Variants in CSN2 observed in about 807,000 individuals in gnomAD.
CSN2 encodes casein beta.
Under a neutral mutation model 27.3 loss-of-function variants are expected in CSN2, and 27 were observed. That is an observed-to-expected ratio of 0.99 (90% CI 0.73 to 1.36). CSN2 has a LOEUF of 1.36. Among genes scored for constraint, CSN2 ranks in the 40% most tolerant of loss-of-function variants. The pLI is 0.00. For synonymous variants in CSN2, 131 were observed against 94.8 expected, an observed-to-expected ratio of 1.38 and a Z score of -2.22; for missense variants, 333 against 264.5, an observed-to-expected ratio of 1.26 and a Z score of -1.80.
At chr4:69,959,175 C>T (rs1168609463) in intron 3 of CSN2, 106 bp from the exon 4 acceptor site, 10 of 855,252 alleles carry the variant, frequency 1.2e-5, no homozygotes, top group African/African-American at 1.7e-5. Flanking sequence ...TCATTAATAA[C>T]TTTGTATAAT....
At chr4:69,956,157 T>A (rs1310891322) in intron 7 of CSN2, among the ~76,000 whole-genome samples, 157 bp downstream of exon 7, 3 of 151,980 alleles carry the variant, frequency 2.0e-5, no homozygotes, top group African/African-American at 7.2e-5. Flanking sequence ...TAGTTTCAGG[T>A]CAGTAAATGA....
At chr4:69,964,347 C>T (rs938585975) in intron 1 of CSN2, among the ~76,000 whole-genome samples, 8 of 151,916 alleles carry the variant, frequency 5.3e-5, no homozygotes, top group Admixed American at 4.6e-4. Context: ...GTTATGTGTT[C>T]TTACATTTTT....
At chr4:69,957,205 T>A in intron 6 of CSN2, 69 bp downstream of exon 6, 1 of 1,393,074 alleles carries the variant, frequency 7.2e-7, no homozygotes, top group South Asian at 1.5e-5. Flanking sequence ...TACTCTACAT[T>A]TATTCTTTTA....
In CSN2 at chr4:69,957,343, A is replaced by G. The variant is rs1325225515; in HGVS notation, c.606T>C (p.Leu202=). The G allele has an allele frequency of 6.2e-7, 1 of 1,611,172 alleles. No homozygotes were observed. Among genetic ancestry groups the G allele is most frequent in the East Asian group, 2.2e-5 (1 of 44,768 alleles). ...AGATCTGGTGGGTGGGGTTAAGTAG[A>G]AGTTCTTGGTTGAGCAGAAGGGCTT... ...PVQALLLNQE[L]LLNPTHQIYP... is the part of the protein sequence containing the mutation. The change falls in exon 6 of 8, where the codon CTT becomes CTC. Residue 202 remains leucine (L), a synonymous_variant. Coordinates refer to ENST00000353151, the MANE Select transcript of CSN2 (RefSeq NM_001891.4).
chr4:69,959,777 A>G (rs1281323671), intron 3 of CSN2, among the ~76,000 whole-genome samples: 1 of 152,008 alleles, frequency 6.6e-6, no homozygotes, highest in African/African-American at 2.4e-5. Context: ...GAATAAGTTC[A>G]GAGTAAAGAG....
intron 6 of CSN2, among the ~76,000 whole-genome samples, chr4:69,956,688 G>C (rs1461684693): frequency 6.6e-6 from 1 of 152,080 alleles, no homozygotes; most frequent in African/African-American, 2.4e-5. Flanking sequence ...ACATTTTTTA[G>C]CTTTTTTTTC....
chr4:69,957,129 T>C (rs1223447760), intron 6 of CSN2, 145 bp downstream of exon 6: 3 of 843,664 alleles, frequency 3.6e-6, no homozygotes, highest in African/African-American at 1.7e-5. Context: ...GTTGTGCACA[T>C]GTACCCTAAA....
chr4:69,960,214 G>T, intron 2 of CSN2, 135 bp from the exon 3 acceptor site: 1 of 761,382 alleles, frequency 1.3e-6, no homozygotes, highest in South Asian at 1.9e-5. Flanking sequence ...CTTCTGAAAA[G>T]ATGTTTAAAA....
intron 2 of CSN2, among the ~76,000 whole-genome samples, chr4:69,960,675 G>A (rs746244575): frequency 3.3e-5 from 5 of 151,832 alleles, no homozygotes; most frequent in African/African-American, 9.7e-5. Flanking sequence ...ATTATATTTC[G>A]TTGCCATTTT....
At chr4:69,960,775 A>G (rs116737887) in intron 2 of CSN2, among the ~76,000 whole-genome samples, 170 bp downstream of exon 2, 1,867 of 152,206 alleles carry the variant, frequency 0.012, 35 homozygotes, top group African/African-American at 0.043. Context: ...CACTATAGGA[A>G]ACTGTTGAGA....
Position 69,959,082 on chromosome 4 carries a change from A to T in CSN2, c.79-13T>A, listed in dbSNP as rs1393625195. 1.5e-6 allele frequency: 2 copies of T among 1,319,708 alleles called. No individual in the cohort carries two copies. The highest frequency in any genetic ancestry group is 3.0e-5 in the African/African-American group (2 of 66,568). 81.7% of individuals were successfully genotyped at this position (1,319,708 alleles called of 1,614,324 possible). A position where few individuals can be genotyped will look rare whatever the true frequency, so the allele number is the denominator to read the frequency against. On this transcript the variant is annotated splice_polypyrimidine_tract_variant and intron_variant, in intron 3 of 7. Transcript: ENST00000353151. ...CTGTAATAGATTCCTACAGAAAAAT[A>T]TAAAATAAAATTAGGTTTAGTTTTA... is the stretch of plus-strand genomic sequence containing the variant.
rs1723424454 is a variant in CSN2 at position 69,957,197 on chromosome 4, C to T, written c.675+77G>A. On this transcript the variant is annotated intron_variant, in intron 6 of 7. Transcript: ENST00000353151. Reference sequence around the variant, plus strand: ...CTAAACTGTTTTTTTAATTCATTTACTCTACATTTATTCTTTTATTCTACC... The same window carrying T: ...CTAAACTGTTTTTTTAATTCATTTATTCTACATTTATTCTTTTATTCTACC... 4 of 1,366,476 alleles carry T rather than the reference C, an allele frequency of 2.9e-6. No homozygotes were observed. In the East Asian group the frequency reaches 7.1e-5, roughly 24 times the overall value. The allele number at this position is 1,366,476 out of a possible 1,614,324, so 84.6% of individuals were successfully genotyped here. A position where few individuals can be genotyped will look rare whatever the true frequency, so the allele number is the denominator to read the frequency against.
intron 3 of CSN2, among the ~76,000 whole-genome samples, 198 bp downstream of exon 3, chr4:69,959,855 A>G (rs982793867): frequency 6.6e-6 from 1 of 152,084 alleles, no homozygotes; most frequent in Non-Finnish European, 1.5e-5. Context: ...CACAATTTCA[A>G]GTAGCAAGCC....
intron 1 of CSN2, among the ~76,000 whole-genome samples, chr4:69,962,985 A>G (rs1337523923): frequency 6.6e-6 from 1 of 152,248 alleles, no homozygotes; most frequent in Non-Finnish European, 1.5e-5. Flanking sequence ...ACATGAAAAA[A>G]TGCTCATCAT....
intron 7 of CSN2, among the ~76,000 whole-genome samples, chr4:69,955,999 T>A (rs1183353455): frequency 6.6e-6 from 1 of 152,048 alleles, no homozygotes; most frequent in African/African-American, 2.4e-5. Flanking sequence ...TCAAATGTAT[T>A]TCCATAAAAG....
chr4:69,965,408 CTATATATATATATATATA>C (rs756206077), intron 1 of CSN2, among the ~76,000 whole-genome samples: 19 of 88,130 alleles, frequency 2.2e-4, no homozygotes, highest in Non-Finnish European at 2.8e-4. Flanking sequence ...TAGCCTCATA[CTATATATATATATATATA>C]TATATATATA....
intron 1 of CSN2, among the ~76,000 whole-genome samples, chr4:69,962,682 C>T (rs778637355): frequency 2.6e-5 from 4 of 152,126 alleles, no homozygotes; most frequent in Non-Finnish European, 5.9e-5. Context: ...TGGGCAAGGA[C>T]TTCATGTGTA....
In CSN2 at chr4:69,965,157, A is replaced by T. The variant is rs967716976; in HGVS notation, c.-13+524T>A. On this transcript the variant is annotated intron_variant, in intron 1 of 7. Coordinates refer to ENST00000353151, the MANE Select transcript of CSN2 (RefSeq NM_001891.4). ...GAGGCTCTAGACAAGTTTGATGAGT[A>T]AACTCTTCTAAAAACATTGTTTATA... is the stretch of plus-strand genomic sequence containing the variant. Among the ~76,000 whole-genome samples, 38 of 151,274 alleles carry T rather than the reference A, an allele frequency of 2.5e-4. 1 individual carries two copies. The highest frequency in any genetic ancestry group is 5.9e-5 in the Non-Finnish European group (4 of 67,718).
In CSN2 at chr4:69,957,782, T is replaced by C; in HGVS notation, c.167A>G (p.Tyr56Cys). ...QGEDEHQDKI[Y>C]PSFQPQPLIY... is the part of the protein sequence containing the mutation. Reference sequence around the variant, plus strand: ...CAGAGGCTGTGGCTGGAAAGAGGGGTAGATTTTATCCTGGTGTTCATCCTG... The same window carrying C: ...CAGAGGCTGTGGCTGGAAAGAGGGGCAGATTTTATCCTGGTGTTCATCCTG... Residue 56 changes from tyrosine to cysteine, a missense_variant, in exon 6 of 8, where the codon TAC becomes TGC. Physicochemically the swap from Tyr to Cys is radical, Grantham distance 194. Transcript: ENST00000353151. The C allele has an allele frequency of 6.2e-7, 1 of 1,613,422 alleles. No homozygotes were observed. Among genetic ancestry groups the C allele is most frequent in the Non-Finnish European group, 8.5e-7 (1 of 1,179,676 alleles).
Sources: gnomAD v4.1 joint callset for allele counts (sites outside exome capture counted in the v4.1 genomes callset) on GRCh38, gnomAD v4.1.1 for gene constraint, MANE v1.5 for transcripts, NCBI Gene and HGNC (gene_info 2026-07-23, HGNC 2026-07-21) for gene names.